Variants in GALNTL6 observed in about 807,000 individuals in gnomAD.
GALNTL6 encodes the protein polypeptide N-acetylgalactosaminyltransferase like 6.
Under a neutral mutation model 73.7 loss-of-function variants are expected in GALNTL6, and 46 were observed. The ratio of observed to expected loss-of-function variants is 0.62; its 90% CI spans 0.49 to 0.80. The LOEUF is 0.80. GALNTL6 is among the 30% of genes least tolerant of loss of function. GALNTL6 has a pLI of 0.00. For missense variants in GALNTL6, 604 were observed against 755.0 expected (o/e 0.80, Z 2.34); for synonymous variants, 259 against 263.7 (o/e 0.98, Z 0.17).
chr4:172,699,450 C>T (rs529428481), intron 5 of GALNTL6, among the ~76,000 whole-genome samples: 2 of 152,286 alleles, frequency 1.3e-5, no homozygotes, highest in East Asian at 3.9e-4. Context: ...GTGACTTTCA[C>T]AGCTGTGTGG....
chr4:172,308,715 T>C (rs1447800216), intron 3 of GALNTL6, among the ~76,000 whole-genome samples: 1 of 152,198 alleles, frequency 6.6e-6, no homozygotes, highest in Non-Finnish European at 1.5e-5. Flanking sequence ...CCAGAGACTA[T>C]ATAAGTCCAA....
chr4:172,253,462 A>T (rs1003030034), intron 3 of GALNTL6, among the ~76,000 whole-genome samples: 13 of 151,988 alleles, frequency 8.6e-5, no homozygotes, highest in African/African-American at 2.4e-4. Context: ...TGACTCCCAT[A>T]TTAAAGTCTG....
intron 5 of GALNTL6, among the ~76,000 whole-genome samples, chr4:172,703,430 T>G (rs1049968603): frequency 6.6e-6 from 1 of 152,050 alleles, no homozygotes; most frequent in Non-Finnish European, 1.5e-5. Flanking sequence ...TCAATGTGTT[T>G]TCTGCCTCTA....
intron 5 of GALNTL6, among the ~76,000 whole-genome samples, chr4:172,419,061 T>TATGG (rs1437923770): frequency 1.3e-5 from 2 of 152,140 alleles, no homozygotes; most frequent in Non-Finnish European, 2.9e-5. Context: ...GTTACTATTG[T>TATGG]ATGGATGGTG....
chr4:171,933,955 G>A (rs1440634056), intron 2 of GALNTL6, among the ~76,000 whole-genome samples: 1 of 151,794 alleles, frequency 6.6e-6, no homozygotes, highest in Non-Finnish European at 1.5e-5. Context: ...TCAATGTAGG[G>A]GTTTTCAAAT....
At chr4:172,702,970 G>GT (rs1306679670) in intron 5 of GALNTL6, among the ~76,000 whole-genome samples, 2 of 151,710 alleles carry the variant, frequency 1.3e-5, no homozygotes, top group Non-Finnish European at 2.9e-5. Flanking sequence ...TTTATGTATA[G>GT]TTTTTTTGGT....
chr4:171,961,490 C>A (rs1579009795), intron 2 of GALNTL6, among the ~76,000 whole-genome samples: 2 of 152,140 alleles, frequency 1.3e-5, no homozygotes, highest in Non-Finnish European at 2.9e-5. Context: ...CCATCAACAC[C>A]AATTAAAAAA....
chr4:172,062,072 C>T (rs1446972822), intron 2 of GALNTL6, among the ~76,000 whole-genome samples: 1 of 151,476 alleles, frequency 6.6e-6, no homozygotes, highest in East Asian at 1.9e-4. Context: ...GCCGCAGCCT[C>T]CTGAGTAGCT....
intron 10 of GALNTL6, among the ~76,000 whole-genome samples, chr4:172,957,267 A>G (rs1749795415): frequency 6.6e-6 from 1 of 152,228 alleles, no homozygotes; most frequent in Non-Finnish European, 1.5e-5. Context: ...TGAAAAGGAA[A>G]TAAGAGGTTC....
chr4:172,730,958 T>C (rs1736109889), intron 5 of GALNTL6, among the ~76,000 whole-genome samples: 1 of 151,938 alleles, frequency 6.6e-6, no homozygotes. Context: ...TATGCACCTG[T>C]ACTCCCAGCT....
Position 172,361,127 on chromosome 4 carries a change from G to A in GALNTL6, c.553+12438G>A, listed in dbSNP as rs116819725. Among the ~76,000 whole-genome samples the A allele has an allele frequency of 2.2e-3, 329 of 152,154 alleles. 1 individual carries two copies. The highest frequency in any genetic ancestry group is 7.1e-3 in the African/African-American group (295 of 41,534). On this transcript the variant is annotated intron_variant, in intron 5 of 12. Transcript: ENST00000506823. ...AACGTTTCAACTTTTAGAAAAGTTC[G>A]CCACTCAATATATCTAAAATTGGTT...
At chr4:172,211,443 G>A (rs1474931949) in intron 2 of GALNTL6, among the ~76,000 whole-genome samples, 2 of 152,136 alleles carry the variant, frequency 1.3e-5, no homozygotes, top group African/African-American at 2.4e-5. Context: ...CATACCAGAT[G>A]GATCATTCTA....
At chr4:172,964,781 G>A (rs1040703050) in intron 10 of GALNTL6, among the ~76,000 whole-genome samples, 3 of 152,226 alleles carry the variant, frequency 2.0e-5, no homozygotes, top group Non-Finnish European at 4.4e-5. Context: ...CTGAGGATGC[G>A]ATGTTGTCTC....
At chr4:172,325,439 C>G (rs560396383) in intron 4 of GALNTL6, among the ~76,000 whole-genome samples, 76 of 151,962 alleles carry the variant, frequency 5.0e-4, no homozygotes, top group African/African-American at 1.7e-3. Context: ...AGTTGTGGCC[C>G]CGCTGATTGA....
chr4:172,655,315 T>C (rs1730927897), intron 5 of GALNTL6, among the ~76,000 whole-genome samples: 1 of 152,182 alleles, frequency 6.6e-6, no homozygotes, highest in Non-Finnish European at 1.5e-5. Flanking sequence ...AACTTATGCT[T>C]ACTAATTTTT....
chr4:171,855,322 G>A (rs2110869201), intron 2 of GALNTL6, among the ~76,000 whole-genome samples: 1 of 152,236 alleles, frequency 6.6e-6, no homozygotes, highest in Admixed American at 6.5e-5. Context: ...TCTATTTACT[G>A]TCTCTATAGT....
chr4:172,751,752 G>A (rs1364169293), intron 5 of GALNTL6, among the ~76,000 whole-genome samples: 1 of 152,206 alleles, frequency 6.6e-6, no homozygotes, highest in African/African-American at 2.4e-5. Flanking sequence ...AGAATATCTG[G>A]TGTTTCTTGA....
intron 2 of GALNTL6, among the ~76,000 whole-genome samples, chr4:172,192,809 G>C (rs574003529): frequency 7.9e-5 from 12 of 152,252 alleles, no homozygotes; most frequent in African/African-American, 2.4e-4. Context: ...GAACAAGTTG[G>C]GGGGAAGGGG....
intron 5 of GALNTL6, among the ~76,000 whole-genome samples, chr4:172,590,415 A>T (rs1034198565): frequency 5.9e-5 from 9 of 152,170 alleles, no homozygotes; most frequent in Non-Finnish European, 1.5e-5. Flanking sequence ...CAATTGAAAA[A>T]AAAATGCCAT....
Sources: allele counts gnomAD v4.1 joint callset (sites outside exome capture counted in the v4.1 genomes callset), GRCh38; gene constraint gnomAD v4.1.1; transcripts MANE v1.5; gene names NCBI Gene and HGNC (gene_info 2026-07-23, HGNC 2026-07-21).